The following NAA11 variants were observed in gnomAD, a reference collection of about 807,000 sequenced individuals.
NAA11 encodes N-alpha-acetyltransferase 11.
A neutral mutation model predicts 16.1 loss-of-function variants in NAA11; 15 were observed. The observed-to-expected ratio is 0.93, with a 90% CI of 0.62 to 1.44. NAA11 has a LOEUF of 1.44. NAA11 is among the 40% of genes most tolerant of loss of function. The pLI, the probability that NAA11 is intolerant of heterozygous loss-of-function variation, is 0.00. For synonymous variants in NAA11, 122 were observed against 112.4 expected (o/e 1.09, Z -0.54); for missense variants, 298 against 291.3 (o/e 1.02, Z -0.17).
intron 2 of NAA11, among the ~76,000 whole-genome samples, chr4:79,243,878 C>A (rs1284449625): frequency 6.6e-6 from 1 of 152,210 alleles, no homozygotes; most frequent in African/African-American, 2.4e-5. Flanking sequence ...GATCCTGGGA[C>A]TTTATGGGCT....
intron 2 of NAA11, among the ~76,000 whole-genome samples, chr4:79,240,138 C>T (rs541558927): frequency 1.3e-5 from 2 of 152,198 alleles, no homozygotes; most frequent in Non-Finnish European, 2.9e-5. Flanking sequence ...CTTCTGCCAG[C>T]ATTGAACTCA....
chr4:79,313,697 C>T (rs986116268), downstream of NAA11, among the ~76,000 whole-genome samples: 1 of 152,124 alleles, frequency 6.6e-6, no homozygotes, highest in Non-Finnish European at 1.5e-5. Context: ...CTGTGTCTTA[C>T]TGGATTTCAA....
intron 2 of NAA11, among the ~76,000 whole-genome samples, chr4:79,277,740 T>C (rs1475001194): frequency 6.6e-6 from 1 of 151,926 alleles, no homozygotes; most frequent in African/African-American, 2.4e-5. Flanking sequence ...CTCTTTAAAT[T>C]AGCCAATCGG....
the NAA11 span, among the ~76,000 whole-genome samples, chr4:79,156,311 T>G: frequency 2.9e-5 from 2 of 70,088 alleles, no homozygotes; most frequent in Admixed American, 2.0e-4. Flanking sequence ...CAATGGGATG[T>G]GATGTGTGTG....
At chr4:79,207,993 A>C in the NAA11 span, among the ~76,000 whole-genome samples, 1 of 152,182 alleles carries the variant, frequency 6.6e-6, no homozygotes, top group Non-Finnish European at 1.5e-5. Context: ...CAATTGTACA[A>C]AGATCAAATT....
chr4:79,318,409 C>T (rs1217611280), intron 1 of NAA11, among the ~76,000 whole-genome samples: 2 of 152,200 alleles, frequency 1.3e-5, no homozygotes, highest in East Asian at 3.9e-4. Flanking sequence ...TTATTTTTCT[C>T]TCCTTTAAAA....
At chr4:79,309,187 T>C (rs534197586) in intron 1 of NAA11, among the ~76,000 whole-genome samples, 1 of 152,362 alleles carries the variant, frequency 6.6e-6, no homozygotes, top group South Asian at 2.1e-4. Flanking sequence ...CTCGGGCTGT[T>C]AACTACCAAA....
At position 79,325,985 on chromosome 4, in the gene NAA11, C is replaced by A; in HGVS notation, c.-108G>T. ...AGGAATCGAGTCCAGGGGGCTAACA[C>A]CACCGGGCTGAATCGTGTGGAGGGC... is the stretch of plus-strand genomic sequence containing the variant. On this transcript the variant is annotated 5_prime_UTR_variant, in exon 1 of 2. Transcript: ENST00000286794. 1 of 919,270 alleles carries A rather than the reference C, an allele frequency of 1.1e-6. No homozygotes were observed. The highest frequency in any genetic ancestry group is 1.6e-6 in the Non-Finnish European group (1 of 607,650). The allele number at this position is 919,270 out of a possible 1,614,324, so 56.9% of individuals were successfully genotyped here. A position where few individuals can be genotyped will look rare whatever the true frequency, so the allele number is the denominator to read the frequency against.
At chr4:79,159,233 G>A in the NAA11 span, among the ~76,000 whole-genome samples, 1 of 152,104 alleles carries the variant, frequency 6.6e-6, no homozygotes, top group Non-Finnish European at 1.5e-5. Flanking sequence ...ACTCAAATTA[G>A]CAAGGAAAAA....
chr4:79,196,497 C>T, the NAA11 span, among the ~76,000 whole-genome samples: 1 of 152,040 alleles, frequency 6.6e-6, no homozygotes, highest in East Asian at 1.9e-4. Flanking sequence ...ACCACCTCCT[C>T]ATTTCACCAG....
intron 2 of NAA11, among the ~76,000 whole-genome samples, chr4:79,290,382 TC>T (rs1206475508): frequency 6.6e-6 from 1 of 152,186 alleles, no homozygotes; most frequent in Non-Finnish European, 1.5e-5. Flanking sequence ...CCAGAAATTG[TC>T]CTGTTGTGGC....
chr4:79,300,278 A>T (rs1228455208), intron 1 of NAA11, among the ~76,000 whole-genome samples: 1 of 152,144 alleles, frequency 6.6e-6, no homozygotes, highest in East Asian at 1.9e-4. Flanking sequence ...TTGGTTTTAT[A>T]CCTTGCCATA....
intron 2 of NAA11, among the ~76,000 whole-genome samples, chr4:79,255,580 C>T (rs762568209): frequency 2.1e-4 from 32 of 152,104 alleles, no homozygotes; most frequent in Non-Finnish European, 4.4e-4. Flanking sequence ...TACCAAAAAA[C>T]AATATTAATC....
intron 1 of NAA11, among the ~76,000 whole-genome samples, chr4:79,294,982 T>C (rs1237936833): frequency 1.3e-5 from 2 of 152,244 alleles, no homozygotes; most frequent in African/African-American, 2.4e-5. Flanking sequence ...AAATATTTGC[T>C]GTGTGAATAA....
intron 2 of NAA11, among the ~76,000 whole-genome samples, chr4:79,234,308 C>A (rs1404019114): frequency 6.6e-5 from 10 of 152,068 alleles, no homozygotes; most frequent in Non-Finnish European, 1.2e-4. Flanking sequence ...TGTAAGCAGC[C>A]ATCAATTTGC....
chr4:79,313,127 T>C (rs1048899389), downstream of NAA11, among the ~76,000 whole-genome samples: 1 of 152,276 alleles, frequency 6.6e-6, no homozygotes, highest in South Asian at 2.1e-4. Flanking sequence ...CACTGGTTCT[T>C]TTCTGGACCA....
At chr4:79,204,715 C>T in the NAA11 span, among the ~76,000 whole-genome samples, 12 of 151,816 alleles carry the variant, frequency 7.9e-5, no homozygotes, top group Non-Finnish European at 1.6e-4. Context: ...CCTCCTCCCA[C>T]CCACTCCCCT....
downstream of NAA11, among the ~76,000 whole-genome samples, chr4:79,313,873 C>T (rs994410646): frequency 8.5e-5 from 13 of 152,160 alleles, no homozygotes; most frequent in Middle Eastern, 6.3e-3. Context: ...GATGGAAGGA[C>T]GTGGTTCCAG....
At chr4:79,220,283 G>T in the NAA11 span, among the ~76,000 whole-genome samples, 1 of 152,142 alleles carries the variant, frequency 6.6e-6, no homozygotes, top group Non-Finnish European at 1.5e-5. Flanking sequence ...AGTAGAGACG[G>T]CGTTTCGCCA....
Sources: allele counts gnomAD v4.1 joint callset (sites outside exome capture counted in the v4.1 genomes callset), GRCh38; gene constraint gnomAD v4.1.1; transcripts MANE v1.5; gene names NCBI Gene and HGNC (gene_info 2026-07-23, HGNC 2026-07-21).